Variants in PTPRO observed in about 807,000 individuals in gnomAD.
The protein encoded by PTPRO is protein tyrosine phosphatase receptor type O, also known as receptor-type tyrosine-protein phosphatase O.
In PTPRO, 62 loss-of-function variants were observed where a neutral mutation model predicts 145.2. The observed-to-expected ratio is 0.43, with a 90% CI of 0.35 to 0.53. The LOEUF (loss-of-function observed/expected upper bound fraction) is 0.53, where lower values mean the gene tolerates loss of function less well. PTPRO is among the 20% of genes least tolerant of loss of function. The pLI is 0.01. For synonymous variants in PTPRO, 565 were observed against 514.7 expected (o/e 1.10, Z -1.32); for missense variants, 1,345 against 1,482.7 (o/e 0.91, Z 1.53).
chr12:15,578,668 C>T (rs1944239653), intron 19 of PTPRO, among the ~76,000 whole-genome samples, 185 bp from the exon 20 acceptor site: 1 of 152,160 alleles, frequency 6.6e-6, no homozygotes, highest in Non-Finnish European at 1.5e-5. Flanking sequence ...TCTGAGTGGA[C>T]TTGATTTCTA....
rs144765680 is a variant in PTPRO, at chr12:15,535,113, A to T, written c.2164+8851A>T. Reference sequence around the variant, plus strand: ...GGTGGCGCAATTCACTGAGATTGAGATGACTAGTAAAACTACAGGAGGAGG... The same window carrying T: ...GGTGGCGCAATTCACTGAGATTGAGTTGACTAGTAAAACTACAGGAGGAGG... On this transcript the variant is annotated intron_variant, in intron 12 of 26. Transcript: ENST00000281171. 5.3e-3 allele frequency among the ~76,000 whole-genome samples: 800 copies of T among 152,328 alleles called. 2 individuals carry two copies. The highest frequency in any genetic ancestry group is 0.014 in the Middle Eastern group (4 of 294).
At chr12:15,580,245 T>C (rs946335468) in intron 21 of PTPRO, 130 bp downstream of exon 21, 1 of 723,178 alleles carries the variant, frequency 1.4e-6, no homozygotes, top group African/African-American at 1.8e-5. Context: ...CTAAAAAGTT[T>C]GCATTACTCC....
chr12:15,389,249 G>A (rs1466449820), intron 1 of PTPRO, among the ~76,000 whole-genome samples: 2 of 151,738 alleles, frequency 1.3e-5, no homozygotes, highest in Non-Finnish European at 2.9e-5. Context: ...GACTACAGGC[G>A]CCCGCCACCA....
At chr12:15,544,958 C>G (rs975124129) in intron 12 of PTPRO, among the ~76,000 whole-genome samples, 3 of 152,208 alleles carry the variant, frequency 2.0e-5, no homozygotes, top group Non-Finnish European at 4.4e-5. Context: ...TTCAACTCTT[C>G]TGCCTAACCT....
intron 1 of PTPRO, among the ~76,000 whole-genome samples, chr12:15,380,969 A>G (rs1417734135): frequency 6.6e-6 from 1 of 152,176 alleles, no homozygotes; most frequent in Non-Finnish European, 1.5e-5. Flanking sequence ...GAATATAATC[A>G]CTGAAAGACT....
intron 1 of PTPRO, among the ~76,000 whole-genome samples, chr12:15,382,952 C>A (rs1301333290): frequency 2.0e-5 from 3 of 152,216 alleles, no homozygotes; most frequent in South Asian, 4.1e-4. Flanking sequence ...ACACACTTAT[C>A]ATTTCTTTGT....
At chr12:15,436,621 G>T (rs908591815) in intron 1 of PTPRO, among the ~76,000 whole-genome samples, 3 of 152,190 alleles carry the variant, frequency 2.0e-5, no homozygotes, top group Non-Finnish European at 4.4e-5. Flanking sequence ...AAACTGTGAA[G>T]GAAAGACACC....
intron 19 of PTPRO, among the ~76,000 whole-genome samples, chr12:15,571,990 G>A (rs1454625556): frequency 6.6e-6 from 1 of 152,090 alleles, no homozygotes; most frequent in Non-Finnish European, 1.5e-5. Flanking sequence ...TTCATTCAAT[G>A]GATAAATGAA....
chr12:15,557,962 T>C (rs1004434581), intron 16 of PTPRO, among the ~76,000 whole-genome samples: 2 of 152,076 alleles, frequency 1.3e-5, no homozygotes, highest in Non-Finnish European at 2.9e-5. Context: ...GGAGACAGAA[T>C]CTCCCTCTTT....
At chr12:15,433,787 C>T (rs1465203952) in intron 1 of PTPRO, among the ~76,000 whole-genome samples, 9 of 152,234 alleles carry the variant, frequency 5.9e-5, no homozygotes, top group Middle Eastern at 3.4e-3. Flanking sequence ...AATTGGGTAG[C>T]GTGATGCCTC....
intron 26 of PTPRO, 51 bp downstream of exon 26, chr12:15,595,108 G>A (rs1332741793): frequency 1.6e-6 from 2 of 1,226,186 alleles, no homozygotes; most frequent in South Asian, 1.2e-5. Context: ...ACTATTAGAG[G>A]GGGATGTGAT....
intron 23 of PTPRO, among the ~76,000 whole-genome samples, chr12:15,583,697 A>G (rs1230373841): frequency 6.6e-6 from 1 of 152,162 alleles, no homozygotes; most frequent in East Asian, 1.9e-4. Flanking sequence ...AAACTAAAAT[A>G]TTTACTAACT....
intron 1 of PTPRO, among the ~76,000 whole-genome samples, chr12:15,341,922 A>C (rs950600139): frequency 3.9e-5 from 6 of 152,230 alleles, no homozygotes; most frequent in African/African-American, 1.2e-4. Flanking sequence ...TCGCAGGATT[A>C]CTGTGAGGTC....
chr12:15,565,624 A>T lies in PTPRO; in HGVS notation c.2743A>T (p.Thr915Ser). Residue 915 changes from threonine to serine, a missense_variant, in exon 18 of 27, where the codon ACA (threonine) becomes TCA (serine). By Grantham distance (58) the Thr-to-Ser change is moderately conservative (BLOSUM62 1). Transcript: ENST00000281171. ...AAATGGTTTAAAGAAGAGGAAACTGACAAAGTAAGTTTTTCTTACTATGTC... is the reference window on the plus strand; with the variant it reads ...AAATGGTTTAAAGAAGAGGAAACTGTCAAAGTAAGTTTTTCTTACTATGTC... Reference protein sequence around the residue: ...SKNGLKKRKLTNPVQLDDFDA... With the variant: ...SKNGLKKRKLSNPVQLDDFDA... 1 of 1,451,402 alleles carries T rather than the reference A, an allele frequency of 6.9e-7. No homozygotes were observed. Among genetic ancestry groups the T allele is most frequent in the Non-Finnish European group, 9.6e-7 (1 of 1,036,378 alleles). 89.9% of individuals were successfully genotyped at this position (1,451,402 alleles called of 1,614,324 possible).
chr12:15,347,493 T>G (rs1390174310), intron 1 of PTPRO, among the ~76,000 whole-genome samples: 2 of 152,198 alleles, frequency 1.3e-5, no homozygotes, highest in Non-Finnish European at 2.9e-5. Flanking sequence ...CCTGCTTATC[T>G]TACAGATGTA....
At chr12:15,496,388 C>A (rs533769156) in intron 2 of PTPRO, among the ~76,000 whole-genome samples, 1 of 151,942 alleles carries the variant, frequency 6.6e-6, no homozygotes, top group Non-Finnish European at 1.5e-5. Flanking sequence ...GTGATCCACC[C>A]GCCTTGACCT....
intron 15 of PTPRO, among the ~76,000 whole-genome samples, chr12:15,555,962 T>C (rs1323063144): frequency 6.6e-6 from 1 of 152,246 alleles, no homozygotes. Flanking sequence ...TTTCAAGATA[T>C]CTGCAGCAAG....
chr12:15,532,465 TTAA>T (rs1942981860), intron 12 of PTPRO, among the ~76,000 whole-genome samples: 1 of 152,290 alleles, frequency 6.6e-6, no homozygotes, highest in East Asian at 1.9e-4. Context: ...TGGTGTCCTC[TTAA>T]TAATTCCAGG....
chr12:15,513,160 A>T (rs866742280), intron 7 of PTPRO, among the ~76,000 whole-genome samples: 3,963 of 26,366 alleles, frequency 0.15, 493 homozygotes, highest in Admixed American at 0.21. Context: ...AGAAAGAAAA[A>T]GAAAGAAAGA....
Sources: allele counts gnomAD v4.1 joint callset (sites outside exome capture counted in the v4.1 genomes callset), GRCh38; gene constraint gnomAD v4.1.1; transcripts MANE v1.5; gene names NCBI Gene and HGNC (gene_info 2026-07-23, HGNC 2026-07-21).